The following COL27A1 variants were observed in gnomAD, a reference collection of about 807,000 sequenced individuals.
COL27A1 encodes the protein collagen type XXVII alpha 1 chain, also known as collagen alpha-1(XXVII) chain.
A neutral mutation model predicts 251.3 loss-of-function variants in COL27A1; 106 were observed. The observed-to-expected ratio is 0.42, with a 90% CI of 0.36 to 0.50. The LOEUF (loss-of-function observed/expected upper bound fraction) is 0.50. COL27A1 is among the 20% of genes least tolerant of loss of function. COL27A1 has a pLI of 0.00. For missense variants in COL27A1, 2,325 were observed against 2,522.8 expected (o/e 0.92, Z 1.68); for synonymous variants, 1,000 against 986.3 (o/e 1.01, Z -0.26).
At chr9:114,178,570 A>G (rs1002721566) in intron 4 of COL27A1, among the ~76,000 whole-genome samples, 1 of 152,114 alleles carries the variant, frequency 6.6e-6, no homozygotes, top group Non-Finnish European at 1.5e-5. Flanking sequence ...TCAGTTGTCC[A>G]TTGGGGATAT....
At chr9:114,265,168 C>CCACTT in intron 31 of COL27A1, 58 bp downstream of exon 31, 2 of 997,112 alleles carry the variant, frequency 2.0e-6, no homozygotes, top group Non-Finnish European at 3.0e-6. Flanking sequence ...GGGTGGGGGG[C>CCACTT]GGGTGCGGTG....
intron 15 of COL27A1, 102 bp from the exon 16 acceptor site, chr9:114,231,720 G>T: frequency 8.7e-7 from 1 of 1,155,362 alleles, no homozygotes; most frequent in South Asian, 1.3e-5. Flanking sequence ...TGAGGTTGGG[G>T]GATCTAGCAC....
chr9:114,266,231 G>T (rs1444507890), intron 32 of COL27A1, among the ~76,000 whole-genome samples: 2 of 152,080 alleles, frequency 1.3e-5, no homozygotes, highest in Non-Finnish European at 2.9e-5. Flanking sequence ...TGGGGGTGGG[G>T]GTTTCCAGAC....
intron 60 of COL27A1, among the ~76,000 whole-genome samples, chr9:114,309,856 G>C (rs1829326514): frequency 6.6e-6 from 1 of 152,198 alleles, no homozygotes; most frequent in Non-Finnish European, 1.5e-5. Flanking sequence ...GTTGTCAGGG[G>C]AGGGGAAGAC....
intron 59 of COL27A1, among the ~76,000 whole-genome samples, chr9:114,308,886 TCTC>T (rs2131697257): frequency 6.6e-6 from 1 of 152,234 alleles, no homozygotes; most frequent in South Asian, 2.1e-4. Flanking sequence ...CGAAAACACC[TCTC>T]ATTTCCTCTG....
At chr9:114,181,369 G>C (rs929353662) in intron 4 of COL27A1, among the ~76,000 whole-genome samples, 2 of 152,190 alleles carry the variant, frequency 1.3e-5, no homozygotes, top group Non-Finnish European at 2.9e-5. Context: ...GGTGCATTCG[G>C]AGAAGGGGAG....
intron 2 of COL27A1, among the ~76,000 whole-genome samples, chr9:114,164,061 CA>C (rs1848671624): frequency 6.6e-6 from 1 of 152,168 alleles, no homozygotes; most frequent in Non-Finnish European, 1.5e-5. Flanking sequence ...GGCAGAATAG[CA>C]TCATGGCTAA....
At chr9:114,252,836 G>T (rs753525320) in intron 26 of COL27A1, 43 bp from the exon 27 acceptor site, 1 of 1,590,594 alleles carries the variant, frequency 6.3e-7, no homozygotes, top group South Asian at 1.1e-5. Flanking sequence ...GAAGGAGGAA[G>T]CTTCCATAGC....
At chr9:114,193,723 C>T (rs565538739) in intron 5 of COL27A1, among the ~76,000 whole-genome samples, 16 of 151,966 alleles carry the variant, frequency 1.1e-4, no homozygotes, top group Non-Finnish European at 8.8e-5. Flanking sequence ...AGTGGCTGTT[C>T]GTGCATTGAA....
At position 114,168,076 on chromosome 9, in the gene COL27A1, G is replaced by C. The variant is rs777003275; in HGVS notation, c.521G>C (p.Cys174Ser). 2.5e-6 allele frequency: 4 copies of C among 1,610,112 alleles called. No homozygotes were observed. In the South Asian group the frequency reaches 4.4e-5, roughly 18 times the overall value. ...CGCACAGTCACTCTGGTGACTGCCTGCGGGCAGCGCCGGGTGCCTGTCCTG... is the reference window on the plus strand; with the variant it reads ...CGCACAGTCACTCTGGTGACTGCCTCCGGGCAGCGCCGGGTGCCTGTCCTG... ...RGRTVTLVTA[C>S]GQRRVPVLLP... The change falls in exon 3 of 61, where the codon TGC (cysteine) becomes TCC (serine). Residue 174 changes from cysteine to serine, a missense_variant. Physicochemically the swap from Cys to Ser is moderately radical, Grantham distance 112. This residue lies in a region of COL27A1 where 1,183 missense variants were observed against 1,144.1 expected (regional missense o/e 1.03). Coordinates refer to ENST00000356083, the MANE Select transcript of COL27A1 (RefSeq NM_032888.4).
chr9:114,210,612 A>C (rs1471329612), intron 11 of COL27A1, among the ~76,000 whole-genome samples: 1 of 152,148 alleles, frequency 6.6e-6, no homozygotes, highest in Non-Finnish European at 1.5e-5. Flanking sequence ...CTGGAGGTCC[A>C]TTAGAAGCCC....
At position 114,245,920 on chromosome 9, in the gene COL27A1, C is replaced by T; in HGVS notation, c.2979+10C>T. ...GCCTGTGGGAGAGCAGGTTAGTTAG[C>T]AACGGTCTCTGAATGAGTGGCTCCA... On this transcript the variant is annotated intron_variant, in intron 24 of 60. Transcript: ENST00000356083. 1 of 1,612,522 alleles carries T rather than the reference C, an allele frequency of 6.2e-7. No individual in the cohort carries two copies.
At chr9:114,257,120 A>G (rs1200747717) in intron 27 of COL27A1, among the ~76,000 whole-genome samples, 2 of 151,988 alleles carry the variant, frequency 1.3e-5, no homozygotes, top group Non-Finnish European at 2.9e-5. Flanking sequence ...CTGGGTTCAC[A>G]CCCCTCAAAG....
At chr9:114,211,346 G>C (rs1830348697) in intron 12 of COL27A1, among the ~76,000 whole-genome samples, 1 of 152,228 alleles carries the variant, frequency 6.6e-6, no homozygotes. Flanking sequence ...GGTCTGCTGT[G>C]ACCGGGGGAC....
At chr9:114,194,080 G>C (rs1828934536) in intron 5 of COL27A1, among the ~76,000 whole-genome samples, 1 of 152,192 alleles carries the variant, frequency 6.6e-6, no homozygotes, top group Non-Finnish European at 1.5e-5. Flanking sequence ...TTTGAGGATA[G>C]AGCAGAGGGA....
At chr9:114,289,849 C>T (rs1276061994) in intron 45 of COL27A1, among the ~76,000 whole-genome samples, 1 of 152,120 alleles carries the variant, frequency 6.6e-6, no homozygotes, top group Non-Finnish European at 1.5e-5. Context: ...AGTGAGGGGA[C>T]ACCAAGGCCC....
chr9:114,247,441 C>T (rs1249712), intron 24 of COL27A1, among the ~76,000 whole-genome samples: 70,328 of 152,042 alleles, frequency 0.46, 16,482 homozygotes, highest in African/African-American at 0.51. Context: ...GTTGATATAC[C>T]CTCTGAGTTC....
chr9:114,295,633 A>T (rs1828210637), intron 49 of COL27A1, among the ~76,000 whole-genome samples: 2 of 152,176 alleles, frequency 1.3e-5, no homozygotes, highest in South Asian at 4.1e-4. Context: ...TATACCATAC[A>T]TATACGGACA....
chr9:114,256,983 G>A (rs966058799), intron 27 of COL27A1, among the ~76,000 whole-genome samples: 12 of 152,166 alleles, frequency 7.9e-5, no homozygotes, highest in Non-Finnish European at 1.0e-4. Flanking sequence ...AGTCAGAACT[G>A]CCTTTTATGG....
Sources: gnomAD v4.1 joint callset for allele counts (sites outside exome capture counted in the v4.1 genomes callset) on GRCh38, gnomAD v4.1.1 for gene constraint, gnomAD v4.1.1 regional missense constraint, MANE v1.5 for transcripts, NCBI Gene and HGNC (gene_info 2026-07-23, HGNC 2026-07-21) for gene names.